MAGI2: variants seen among roughly 807,000 people sequenced by gnomAD.
The protein encoded by MAGI2 is membrane associated guanylate kinase, WW and PDZ domain containing 2, also known as membrane-associated guanylate kinase, WW and PDZ domain-containing protein 2.
MAGI2 carries 35 observed loss-of-function variants against 133.3 expected under a neutral mutation model. That is an observed-to-expected ratio of 0.26 (90% CI 0.20 to 0.35). The LOEUF is 0.35. Among genes scored for constraint, MAGI2 ranks in the 10% least tolerant of loss-of-function variants. The pLI is 1.00. For synonymous variants in MAGI2, 729 were observed against 710.6 expected (o/e 1.03, Z -0.41); for missense variants, 1,636 against 1,863.4 (o/e 0.88, Z 2.25).
intron 3 of MAGI2, among the ~76,000 whole-genome samples, chr7:78,605,830 G>A (rs894033924): frequency 2.0e-5 from 3 of 152,168 alleles, no homozygotes; most frequent in Admixed American, 2.0e-4. Context: ...TAATTCTCTG[G>A]CATACAAAGG....
intron 2 of MAGI2, among the ~76,000 whole-genome samples, chr7:78,905,028 T>C (rs1425895890): frequency 1.3e-5 from 2 of 152,222 alleles, no homozygotes; most frequent in African/African-American, 4.8e-5. Context: ...GTATTATCTT[T>C]CTTTTCTGTA....
At chr7:78,926,784 A>G (rs1799725743) in intron 2 of MAGI2, among the ~76,000 whole-genome samples, 1 of 151,948 alleles carries the variant, frequency 6.6e-6, no homozygotes. Flanking sequence ...CTCCTTTTGT[A>G]ATTTAAACTG....
intron 20 of MAGI2, among the ~76,000 whole-genome samples, chr7:78,082,371 T>C (rs113249664): frequency 0.055 from 8,423 of 152,196 alleles, 275 homozygotes; most frequent in African/African-American, 0.086. Flanking sequence ...GCGTAAGGGC[T>C]GAGCTGAAGT....
intron 3 of MAGI2, among the ~76,000 whole-genome samples, chr7:78,607,385 C>T (rs998799141): frequency 6.6e-6 from 1 of 151,748 alleles, no homozygotes; most frequent in African/African-American, 2.4e-5. Flanking sequence ...TGGTAGGGTC[C>T]AGTTTCCGCG....
intron 2 of MAGI2, among the ~76,000 whole-genome samples, chr7:78,820,790 A>G (rs1790025993): frequency 6.6e-6 from 1 of 151,954 alleles, no homozygotes; most frequent in Non-Finnish European, 1.5e-5. Context: ...TGATTAATTT[A>G]TTTTAGAAAT....
At position 78,818,708 on chromosome 7, in the gene MAGI2, T is replaced by G. The variant is rs187301797; in HGVS notation, c.418+188382A>C. Reference sequence around the variant, plus strand: ...CCCTCGTTGGGCAAGATAAGATGACTTCACCTCATGTCTTACTACAGAGTG... The same window carrying G: ...CCCTCGTTGGGCAAGATAAGATGACGTCACCTCATGTCTTACTACAGAGTG... On this transcript the variant is annotated intron_variant, in intron 2 of 21. Transcript: ENST00000354212. Among the ~76,000 whole-genome samples the G allele has an allele frequency of 3.0e-3, 458 of 152,284 alleles. 1 individual carries two copies. Among genetic ancestry groups the G allele is most frequent in the African/African-American group, 0.01 (433 of 41,570 alleles).
At chr7:78,247,390 G>T (rs919038547) in intron 10 of MAGI2, among the ~76,000 whole-genome samples, 12 of 152,140 alleles carry the variant, frequency 7.9e-5, no homozygotes, top group African/African-American at 2.7e-4. Flanking sequence ...AGACTTGTTT[G>T]GAGGTGAAAA....
intron 2 of MAGI2, among the ~76,000 whole-genome samples, chr7:78,735,934 G>A (rs1306322001): frequency 6.6e-6 from 1 of 152,168 alleles, no homozygotes; most frequent in African/African-American, 2.4e-5. Flanking sequence ...AGGTAATAGG[G>A]AGGAAATAGG....
chr7:79,131,080 G>A (rs893057106), intron 1 of MAGI2, among the ~76,000 whole-genome samples: 3 of 152,182 alleles, frequency 2.0e-5, no homozygotes, highest in African/African-American at 4.8e-5. Context: ...AAGGTGCTGT[G>A]AAAGGAAGAA....
At chr7:78,892,412 A>C (rs1030666944) in intron 2 of MAGI2, among the ~76,000 whole-genome samples, 7 of 152,070 alleles carry the variant, frequency 4.6e-5, no homozygotes, top group Admixed American at 3.3e-4. Context: ...AAAAGAGCCC[A>C]CATCACCAAG....
chr7:79,051,249 G>A (rs1812642988), intron 1 of MAGI2, among the ~76,000 whole-genome samples: 1 of 152,048 alleles, frequency 6.6e-6, no homozygotes, highest in African/African-American at 2.4e-5. Flanking sequence ...CCCAACCAAA[G>A]CCCAAGCCCT....
intron 9 of MAGI2, among the ~76,000 whole-genome samples, chr7:78,265,499 C>T (rs1490820504): frequency 6.6e-6 from 1 of 152,130 alleles, no homozygotes; most frequent in Admixed American, 6.6e-5. Flanking sequence ...AACATTTTAT[C>T]AGAGGGGTTG....
intron 6 of MAGI2, 82 bp downstream of exon 6, chr7:78,489,678 CT>C: frequency 1.0e-6 from 1 of 975,002 alleles, no homozygotes; most frequent in South Asian, 1.4e-5. Flanking sequence ...AGATTATTGC[CT>C]CTTCAGGTGA....
In MAGI2 at chr7:78,521,473, T is replaced by A. The variant is rs748068825; in HGVS notation, c.711A>T (p.Glu237Asp). The part of the protein sequence containing the change: ...ASIEPPEEEE[E>D]ERPVVNGNGV... ...CATTTCCATTGACCACAGGCCTCTC[T>A]TCCTCTTCCTCCTCAGGAGGCTCTA... The change falls in exon 4 of 22, where the codon GAA becomes GAT. Residue 237 changes from glutamate to aspartate, a missense_variant. By Grantham distance (45) the Glu-to-Asp change is conservative. Transcript: ENST00000354212. The A allele has an allele frequency of 6.2e-7, 1 of 1,614,118 alleles. No individual in the cohort carries two copies. The highest frequency in any genetic ancestry group is 1.1e-5 in the South Asian group (1 of 91,070).
chr7:79,282,126 G>T (rs1835689999), intron 1 of MAGI2, among the ~76,000 whole-genome samples: 1 of 152,104 alleles, frequency 6.6e-6, no homozygotes, highest in African/African-American at 2.4e-5. Flanking sequence ...TAATCCCTCT[G>T]AAAATTTTAT....
At chr7:79,449,462 G>C (rs1849087112) in intron 1 of MAGI2, among the ~76,000 whole-genome samples, 1 of 151,562 alleles carries the variant, frequency 6.6e-6, no homozygotes. Context: ...CAGCCATAGT[G>C]CAAGGAATGT....
At chr7:78,550,757 T>C (rs1439293474) in intron 3 of MAGI2, among the ~76,000 whole-genome samples, 3 of 60,886 alleles carry the variant, frequency 4.9e-5, no homozygotes, top group African/African-American at 1.0e-4. Flanking sequence ...CTCTGAACAG[T>C]TTTTTTTTTT....
rs188605309 is a variant in MAGI2 at position 79,122,633 on chromosome 7, G to T, written c.302-115427C>A. ...TCTAGTGAGAAACAAAATTATTAAA[G>T]ATTTTAATATATTACTTTTTTTTTT... On this transcript the variant is annotated intron_variant, in intron 1 of 21. Coordinates refer to ENST00000354212, the MANE Select transcript of MAGI2 (RefSeq NM_012301.4). Among the ~76,000 whole-genome samples, 15 of 151,970 alleles carry T rather than the reference G, an allele frequency of 9.9e-5. 1 individual carries two copies. Among genetic ancestry groups the T allele is most frequent in the Admixed American group, 3.3e-4 (5 of 15,240 alleles).
intron 2 of MAGI2, among the ~76,000 whole-genome samples, chr7:78,669,230 A>G (rs778150997): frequency 3.3e-5 from 5 of 152,142 alleles, no homozygotes; most frequent in South Asian, 2.1e-4. Flanking sequence ...AAAAAATGAT[A>G]AAGGGGATAT....
Sources: gnomAD v4.1 joint callset for allele counts (sites outside exome capture counted in the v4.1 genomes callset) on GRCh38, gnomAD v4.1.1 for gene constraint, MANE v1.5 for transcripts, NCBI Gene and HGNC (gene_info 2026-07-23, HGNC 2026-07-21) for gene names.